The following GPC5 variants were observed in gnomAD, a reference collection of about 807,000 sequenced individuals.
GPC5 encodes glypican-5.
GPC5 carries 47 observed loss-of-function variants against 53.9 expected under a neutral mutation model. That is an observed-to-expected ratio of 0.87 (90% confidence interval 0.69 to 1.11). GPC5 has a LOEUF of 1.11. GPC5 is among the 50% of genes most tolerant of loss of function. The pLI, the probability that GPC5 is intolerant of heterozygous loss-of-function variation, is 0.00. For synonymous variants in GPC5, 286 were observed against 263.3 expected, an observed-to-expected ratio of 1.09 and a Z score of -0.84; for missense variants, 748 against 713.1, an observed-to-expected ratio of 1.05 and a Z score of -0.56.
chr13:91,498,239 ATTTTTT>A (rs60732957), intron 2 of GPC5, among the ~76,000 whole-genome samples: 13,818 of 110,464 alleles, frequency 0.13, 755 homozygotes, highest in South Asian at 0.33. Context: ...CTACCCAAAG[ATTTTTT>A]TTTTTTTTTT....
intron 2 of GPC5, among the ~76,000 whole-genome samples, chr13:91,660,006 G>T (rs1381381728): frequency 6.6e-6 from 1 of 152,094 alleles, no homozygotes; most frequent in Non-Finnish European, 1.5e-5. Context: ...AAGCTTAATA[G>T]AGGAAAAAAA....
intron 6 of GPC5, among the ~76,000 whole-genome samples, chr13:92,121,220 C>G (rs1273914025): frequency 6.6e-6 from 1 of 152,314 alleles, no homozygotes; most frequent in Non-Finnish European, 1.5e-5. Context: ...ATCTGATCCA[C>G]TCACACTTCT....
chr13:91,993,765 T>C (rs2040479153), intron 6 of GPC5, among the ~76,000 whole-genome samples: 1 of 150,240 alleles, frequency 6.7e-6, no homozygotes. Context: ...ATATGTCTAG[T>C]GGTAAGTCTT....
Position 92,812,402 on chromosome 13 carries a change from A to G in GPC5, c.1562-53880A>G, listed in dbSNP as rs1877328282. 2.6e-5 allele frequency among the ~76,000 whole-genome samples: 4 copies of G among 151,982 alleles called. No homozygotes were observed. In the South Asian group the frequency reaches 6.2e-4, roughly 24 times the overall value. On this transcript the variant is annotated intron_variant, in intron 7 of 7. Transcript: ENST00000377067. The stretch of plus-strand genomic sequence containing the variant: ...AGTATATACAAATACAATTCATTCA[A>G]TGTAGTAAGGCATAAAAATAGAACA...
intron 5 of GPC5, among the ~76,000 whole-genome samples, chr13:91,875,015 G>A (rs2039186625): frequency 6.6e-6 from 1 of 152,140 alleles, no homozygotes; most frequent in African/African-American, 2.4e-5. Context: ...ATCAGTGTGT[G>A]TCAAACATCA....
intron 7 of GPC5, among the ~76,000 whole-genome samples, chr13:92,794,411 A>C (rs1594512102): frequency 6.6e-6 from 1 of 152,244 alleles, no homozygotes; most frequent in South Asian, 2.1e-4. Context: ...TTTATGACAA[A>C]CCCACAGCCA....
At chr13:92,264,182 T>C (rs1007067004) in intron 7 of GPC5, among the ~76,000 whole-genome samples, 1 of 152,280 alleles carries the variant, frequency 6.6e-6, no homozygotes, top group East Asian at 1.9e-4. Context: ...TTTTGTATGC[T>C]AGTCTAAATT....
intron 7 of GPC5, among the ~76,000 whole-genome samples, chr13:92,248,286 G>T (rs1467576344): frequency 2.0e-5 from 3 of 152,076 alleles, no homozygotes; most frequent in Non-Finnish European, 4.4e-5. Context: ...GGAAGATGGT[G>T]TACCAACAAA....
At position 92,287,705 on chromosome 13, in the gene GPC5, T is replaced by A. The variant is rs1358192790; in HGVS notation, c.1561+142716T>A. On this transcript the variant is annotated intron_variant, in intron 7 of 7. Transcript: ENST00000377067. The stretch of plus-strand genomic sequence containing the variant: ...TTTCTTGCTGCTTTCTAGGTTTTCT[T>A]TTTGTATTTGGCTTTGGAAAGTTTG... Among the ~76,000 whole-genome samples, 3 of 152,152 alleles carry A rather than the reference T, an allele frequency of 2.0e-5. No homozygotes were observed. The South Asian group carries it at 6.2e-4, about 32-fold the overall frequency.
chr13:92,407,909 C>T (rs966411088), intron 7 of GPC5, among the ~76,000 whole-genome samples: 2 of 152,032 alleles, frequency 1.3e-5, no homozygotes, highest in African/African-American at 4.8e-5. Context: ...ATTTATTTTA[C>T]GTGAGTAAAA....
At chr13:91,756,970 G>A (rs1378851512) in intron 5 of GPC5, among the ~76,000 whole-genome samples, 1 of 151,464 alleles carries the variant, frequency 6.6e-6, no homozygotes, top group African/African-American at 2.4e-5. Context: ...ATATATATCT[G>A]TTTGAGGCAT....
intron 7 of GPC5, among the ~76,000 whole-genome samples, chr13:92,614,286 A>G (rs111363889): frequency 0.043 from 6,612 of 152,300 alleles, 207 homozygotes; most frequent in Non-Finnish European, 0.066. Context: ...AAAGCCTTTA[A>G]GTTTCTAACA....
intron 7 of GPC5, among the ~76,000 whole-genome samples, chr13:92,828,474 T>C (rs1877927897): frequency 1.3e-5 from 2 of 152,168 alleles, no homozygotes; most frequent in Non-Finnish European, 2.9e-5. Context: ...TACCCAATTA[T>C]ATGCAAAACA....
At chr13:92,432,368 T>G (rs1052573438) in intron 7 of GPC5, among the ~76,000 whole-genome samples, 17 of 146,664 alleles carry the variant, frequency 1.2e-4, no homozygotes, top group Non-Finnish European at 2.3e-4. Flanking sequence ...TTTTTTTTTT[T>G]TTTTTTTTTT....
chr13:91,772,325 A>T (rs1323284347), intron 5 of GPC5, among the ~76,000 whole-genome samples: 4 of 152,202 alleles, frequency 2.6e-5, no homozygotes, highest in Non-Finnish European at 4.4e-5. Context: ...AATAAAAAAA[A>T]TTAAGTTAAT....
At chr13:91,706,803 G>GA (rs1166841177) in intron 3 of GPC5, among the ~76,000 whole-genome samples, 1 of 151,848 alleles carries the variant, frequency 6.6e-6, no homozygotes, top group Non-Finnish European at 1.5e-5. Flanking sequence ...AAACAAAAAA[G>GA]AAAATGAAAA....
chr13:91,854,153 T>C (rs996579671), intron 5 of GPC5, among the ~76,000 whole-genome samples: 24 of 151,892 alleles, frequency 1.6e-4, no homozygotes, highest in Admixed American at 1.3e-4. Context: ...TAAATTATTC[T>C]ATAAACAGTT....
At chr13:92,479,367 T>G (rs779243173) in intron 7 of GPC5, among the ~76,000 whole-genome samples, 1 of 152,200 alleles carries the variant, frequency 6.6e-6, no homozygotes, top group African/African-American at 2.4e-5. Flanking sequence ...TAAACTTCAC[T>G]AAACACTTGT....
intron 4 of GPC5, among the ~76,000 whole-genome samples, chr13:91,748,491 A>G (rs1196519056): frequency 6.6e-6 from 1 of 152,232 alleles, no homozygotes; most frequent in East Asian, 1.9e-4. Context: ...GGAGCTTCTA[A>G]TTCTAGAAGT....
Sources: allele counts gnomAD v4.1 joint callset (sites outside exome capture counted in the v4.1 genomes callset), GRCh38; gene constraint gnomAD v4.1.1; transcripts MANE v1.5; gene names NCBI Gene and HGNC (gene_info 2026-07-23, HGNC 2026-07-21).